TRIM29: variants seen among roughly 807,000 people sequenced by gnomAD.
TRIM29 encodes the protein tripartite motif-containing protein 29.
In TRIM29, 52 loss-of-function variants were observed where a neutral mutation model predicts 57.3. The observed-to-expected ratio is 0.91, with a 90% CI of 0.73 to 1.14. The LOEUF (loss-of-function observed/expected upper bound fraction) is 1.14. Ranked by LOEUF, TRIM29 falls within the 50% of genes most tolerant of loss-of-function variation. The probability of loss-of-function intolerance (pLI) is 0.00; values close to 1 mark genes in which losing one functional copy is unlikely to be tolerated. For synonymous variants in TRIM29, 319 were observed against 316.9 expected (o/e 1.01, Z -0.07); for missense variants, 753 against 774.6 (o/e 0.97, Z 0.33).
At chr11:120,122,285 C>T (rs1021612778) in intron 5 of TRIM29, among the ~76,000 whole-genome samples, 1 of 152,140 alleles carries the variant, frequency 6.6e-6, no homozygotes, top group Non-Finnish European at 1.5e-5. Context: ...CACACACCCT[C>T]ATGGTCCGAG....
At chr11:120,123,492 G>A in intron 4 of TRIM29, 1 of 456,378 alleles carries the variant, frequency 2.2e-6, no homozygotes, top group South Asian at 1.6e-5. Flanking sequence ...ATTGAGCTCT[G>A]GCTCGCTACT....
chr11:120,137,595 C>T lies in TRIM29; in HGVS notation c.437G>A (p.Gly146Glu), dbSNP rs1241351210. The T allele has an allele frequency of 9.3e-6, 15 of 1,613,248 alleles. No homozygotes were observed. The South Asian group carries it at 9.9e-5, about 11-fold the overall frequency. The change falls in exon 1 of 9, where the codon GGG becomes GAG. Residue 146 changes from glycine (G) to glutamate (E), a missense_variant. Physicochemically the swap from Gly to Glu is moderately conservative, Grantham distance 98. Transcript: ENST00000341846. The surrounding 1 kb of genome is among the most constrained non-coding windows in gnomAD (Gnocchi z 6.2). Reference sequence around the variant, plus strand: ...GGGGTAGCTGTTCCGCCGGGTCTCCCCGGGCTCCATGATGGACACCGTGGG... The same window carrying T: ...GGGGTAGCTGTTCCGCCGGGTCTCCTCGGGCTCCATGATGGACACCGTGGG... ...RKPTVSIMEPGETRRNSYPRA... is the reference protein window; with the variant it reads ...RKPTVSIMEPEETRRNSYPRA...
intron 1 of TRIM29, among the ~76,000 whole-genome samples, chr11:120,135,834 G>A (rs1302130356): frequency 6.6e-6 from 1 of 152,190 alleles, no homozygotes; most frequent in Admixed American, 6.5e-5. Flanking sequence ...GATCTGAGGT[G>A]TGCAGAAGCT....
intron 5 of TRIM29, chr11:120,120,980 A>G (rs1863430735): frequency 2.4e-6 from 1 of 424,106 alleles, no homozygotes; most frequent in African/African-American, 2.0e-5. Flanking sequence ...AATGAGCCAG[A>G]AACACCTCCC....
chr11:120,125,744 A>T lies in TRIM29; in HGVS notation c.1280T>A (p.Met427Lys). ...LNVCMRHVEKMCKADLSRNFI... is the reference protein window; with the variant it reads ...LNVCMRHVEKKCKADLSRNFI... ...GTTACGGCTCAGGTCCGCCTTGCAC[A>T]TCTTCTCAACGTGGCGCATGCATAC... is the stretch of plus-strand genomic sequence containing the variant. The change falls in exon 4 of 9, where the codon ATG (methionine) becomes AAG (lysine). Residue 427 changes from methionine (M) to lysine (K), a missense_variant. Met to Lys is a moderately conservative substitution (Grantham distance 95). Coordinates refer to ENST00000341846, the MANE Select transcript of TRIM29 (RefSeq NM_012101.4). 1.2e-6 allele frequency: 2 copies of T among 1,614,182 alleles called. 1 individual carries two copies.
chr11:120,113,072 G>C (rs892347537), intron 8 of TRIM29, among the ~76,000 whole-genome samples: 2 of 152,104 alleles, frequency 1.3e-5, no homozygotes, highest in African/African-American at 4.8e-5. Context: ...CTTATGGTGA[G>C]GGCTTCCAGG....
chr11:120,112,610 G>A, intron 8 of TRIM29, 134 bp from the exon 9 acceptor site: 1 of 827,866 alleles, frequency 1.2e-6, no homozygotes, highest in Non-Finnish European at 2.0e-6. Flanking sequence ...TTTTTGGCCT[G>A]ATCTGCAAGA....
chr11:120,118,191 A>G, intron 7 of TRIM29, 32 bp downstream of exon 7: 1 of 1,592,052 alleles, frequency 6.3e-7, no homozygotes, highest in Non-Finnish European at 8.6e-7. Context: ...GCAGCTGTGG[A>G]GGAAAGCAGG....
At chr11:120,131,799 A>G (rs1863728728) in intron 1 of TRIM29, among the ~76,000 whole-genome samples, 1 of 150,728 alleles carries the variant, frequency 6.6e-6, no homozygotes, top group Admixed American at 6.6e-5. Flanking sequence ...GTAATATAAC[A>G]TGGGAAGGTT....
chr11:120,113,318 C>A (rs1863183011), intron 8 of TRIM29, among the ~76,000 whole-genome samples: 1 of 152,126 alleles, frequency 6.6e-6, no homozygotes, highest in Non-Finnish European at 1.5e-5. Flanking sequence ...ATCAGCATGC[C>A]CCACCCTGCC....
At chr11:120,119,748 C>G (rs1212143404) in intron 6 of TRIM29, among the ~76,000 whole-genome samples, 1 of 152,122 alleles carries the variant, frequency 6.6e-6, no homozygotes, top group Non-Finnish European at 1.5e-5. Context: ...CTTGCCCTCA[C>G]TGAAGAGTCC....
In TRIM29 at chr11:120,111,649, T is replaced by C. The variant is rs1863137569; in HGVS notation, c.*765A>G. The C allele has an allele frequency of 6.6e-6, 1 of 152,250 alleles. No individual in the cohort carries two copies. 9.4% of individuals were successfully genotyped at this position (152,250 alleles called of 1,614,324 possible). A position where few individuals can be genotyped will look rare whatever the true frequency, so the allele number is the denominator to read the frequency against. On this transcript the variant is annotated 3_prime_UTR_variant, in exon 9 of 9. Coordinates refer to ENST00000341846, the MANE Select transcript of TRIM29 (RefSeq NM_012101.4). ...GGTAAATGGTAGCTGGGCCAGTAGCTATTTGCATGGGTGGATTATATCATG... is the reference window on the plus strand; with the variant it reads ...GGTAAATGGTAGCTGGGCCAGTAGCCATTTGCATGGGTGGATTATATCATG...
Position 120,128,496 on chromosome 11 carries a change from C to A in TRIM29, c.805-1G>T. On this transcript the variant is annotated splice_acceptor_variant, in intron 1 of 8. Transcript: ENST00000341846. LOFTEE classifies it high-confidence loss of function. ...GCTCCTTTTGCAATGACAGCTCCGT[C>A]TGCAGAGAAAGAGCCAGGATTGGAG... The A allele has an allele frequency of 6.2e-7, 1 of 1,609,072 alleles. No individual in the cohort carries two copies.
intron 1 of TRIM29, among the ~76,000 whole-genome samples, chr11:120,133,561 C>T (rs771038162): frequency 1.3e-5 from 2 of 152,074 alleles, no homozygotes; most frequent in Admixed American, 6.5e-5. Flanking sequence ...CCACCCTGTC[C>T]CAGGGCAAGC....
chr11:120,137,099 C>CTTGGCTCTTT lies in TRIM29; in HGVS notation c.804+128_804+129insAAAGAGCCAA. On this transcript the variant is annotated intron_variant, in intron 1 of 8. Coordinates refer to ENST00000341846, the MANE Select transcript of TRIM29 (RefSeq NM_012101.4). The surrounding 1 kb of genome is among the most constrained non-coding windows in gnomAD (Gnocchi z 6.2). Reference sequence around the variant, plus strand: ...GGGCATGAGGGGAAATAAATGTTTTCTAAAAGAGCCAAGGACAGTAGAAAC... The same window carrying CTTGGCTCTTT: ...GGGCATGAGGGGAAATAAATGTTTTCTTGGCTCTTTTAAAAGAGCCAAGGACAGTAGAAAC... 1 of 1,031,422 alleles carries CTTGGCTCTTT rather than the reference C, an allele frequency of 9.7e-7. No individual in the cohort carries two copies. Among genetic ancestry groups the CTTGGCTCTTT allele is most frequent in the Non-Finnish European group, 1.4e-6 (1 of 722,850 alleles). The allele number at this position is 1,031,422 out of a possible 1,614,324, so 63.9% of individuals were successfully genotyped here. A position where few individuals can be genotyped will look rare whatever the true frequency, so the allele number is the denominator to read the frequency against.
rs144796428 is a variant in TRIM29 at position 120,137,858 on chromosome 11, G to C, written c.174C>G (p.Ser58Arg). Residue 58 changes from serine (S) to arginine (R), a missense_variant, in exon 1 of 9, where the codon AGC becomes AGG. Ser to Arg is a moderately radical substitution (Grantham distance 110). Coordinates refer to ENST00000341846, the MANE Select transcript of TRIM29 (RefSeq NM_012101.4). This position sits in a 1 kb window ranked among gnomAD's most constrained non-coding sequence, Gnocchi z 6.2. Reference sequence around the variant, plus strand: ...TCCTACCTTCCCCTGGCTTCAGGGCGCTGCCCAGGCTCTTGCCCTCAGCTG... The same window carrying C: ...TCCTACCTTCCCCTGGCTTCAGGGCCCTGCCCAGGCTCTTGCCCTCAGCTG... ...GEAAEGKSLG[S>R]ALKPGEGRSA... The C allele has an allele frequency of 1.2e-6, 2 of 1,611,670 alleles. No individual in the cohort carries two copies. Among genetic ancestry groups the C allele is most frequent in the Non-Finnish European group, 1.7e-6 (2 of 1,179,994 alleles).
At chr11:120,126,072 A>G in intron 3 of TRIM29, 183 bp from the exon 4 acceptor site, 1 of 623,646 alleles carries the variant, frequency 1.6e-6, no homozygotes, top group Non-Finnish European at 2.8e-6. Context: ...GGATGCTAAC[A>G]TCCCTGATGG....
intron 5 of TRIM29, chr11:120,120,917 CAGA>C: frequency 1.7e-6 from 1 of 585,136 alleles, no homozygotes. Context: ...ACCACGAGGG[CAGA>C]AGCAGTAGGC....
In TRIM29 at chr11:120,137,641, T is replaced by A. The variant is rs1863847904; in HGVS notation, c.391A>T (p.Ile131Phe). 6.2e-7 allele frequency: 1 copy of A among 1,613,000 alleles called. No homozygotes were observed. The highest frequency in any genetic ancestry group is 8.5e-7 in the Non-Finnish European group (1 of 1,179,830). The change falls in exon 1 of 9, where the codon ATT (isoleucine) becomes TTT (phenylalanine). Residue 131 changes from isoleucine to phenylalanine, a missense_variant. Ile to Phe is a conservative substitution (Grantham distance 21, BLOSUM62 0). Transcript: ENST00000341846. The surrounding 1 kb of genome is among the most constrained non-coding windows in gnomAD (Gnocchi z 6.2). ...GTGGGCTTCCGGGACTCCGAGAAAATGGACTTGCGCAGCTCGCCCTTTTCG... is the reference window on the plus strand; with the variant it reads ...GTGGGCTTCCGGGACTCCGAGAAAAAGGACTTGCGCAGCTCGCCCTTTTCG... ...FAEKGELRKS[I>F]FSESRKPTVS...
Sources: allele counts gnomAD v4.1 joint callset (sites outside exome capture counted in the v4.1 genomes callset), GRCh38; gene constraint gnomAD v4.1.1; non-coding constraint Gnocchi (gnomAD v3.1); transcripts MANE v1.5; gene names NCBI Gene and HGNC (gene_info 2026-07-23, HGNC 2026-07-21).